Variants in GLIS3 observed in about 807,000 individuals in gnomAD.
The protein encoded by GLIS3 is zinc finger protein GLIS3.
A neutral mutation model predicts 78.6 loss-of-function variants in GLIS3; 53 were observed. The ratio of observed to expected loss-of-function variants is 0.67; its 90% CI spans 0.54 to 0.85. The LOEUF is 0.85. GLIS3 is among the 40% of genes least tolerant of loss of function. The probability of loss-of-function intolerance (pLI) is 0.00; values close to 1 mark genes in which losing one functional copy is unlikely to be tolerated. For missense variants in GLIS3, 1,703 were observed against 1,231.1 expected, an observed-to-expected ratio of 1.38 and a Z score of -5.74; for synonymous variants, 684 against 509.9, an observed-to-expected ratio of 1.34 and a Z score of -4.60.
intron 2 of GLIS3, among the ~76,000 whole-genome samples, chr9:4,267,999 G>A (rs928022058): frequency 1.3e-5 from 2 of 151,808 alleles, no homozygotes; most frequent in African/African-American, 2.4e-5. Flanking sequence ...ATATATATGT[G>A]TGTGAATATA....
At chr9:4,416,794 T>A in the GLIS3 span, among the ~76,000 whole-genome samples, 1 of 147,000 alleles carries the variant, frequency 6.8e-6, no homozygotes, top group Non-Finnish European at 1.5e-5. Context: ...GGCAGCATGG[T>A]CAACATTCCC....
intron 1 of GLIS3, among the ~76,000 whole-genome samples, chr9:4,294,577 C>G (rs576402944): frequency 2.0e-5 from 3 of 151,944 alleles, no homozygotes; most frequent in Non-Finnish European, 4.4e-5. Flanking sequence ...CTGTTCAGCA[C>G]ACAAAAGGAC....
the GLIS3 span, among the ~76,000 whole-genome samples, chr9:4,398,100 G>A: frequency 2.0e-5 from 3 of 152,006 alleles, no homozygotes; most frequent in African/African-American, 4.8e-5. Context: ...CTATTTCAAT[G>A]CATGCTTTGG....
intron 4 of GLIS3, among the ~76,000 whole-genome samples, chr9:4,021,467 A>C (rs2130150939): frequency 6.6e-6 from 1 of 152,278 alleles, no homozygotes; most frequent in East Asian, 1.9e-4. Context: ...ATACACAGCA[A>C]ATCATCACAG....
chr9:4,003,973 A>G (rs1196275880), intron 4 of GLIS3, among the ~76,000 whole-genome samples: 2 of 152,206 alleles, frequency 1.3e-5, no homozygotes, highest in Non-Finnish European at 2.9e-5. Context: ...GACTATTATT[A>G]TGATGCCCCA....
intron 4 of GLIS3, among the ~76,000 whole-genome samples, chr9:4,092,035 G>A (rs1829554131): frequency 6.6e-6 from 1 of 152,096 alleles, no homozygotes; most frequent in Admixed American, 6.5e-5. Context: ...TGAGACCCTA[G>A]GACATTCCTG....
intron 7 of GLIS3, among the ~76,000 whole-genome samples, chr9:3,880,744 GC>G (rs1821676358): frequency 6.6e-6 from 1 of 152,108 alleles, no homozygotes; most frequent in African/African-American, 2.4e-5. Flanking sequence ...AGATGACCTA[GC>G]CCCCAAAAGC....
At chr9:4,367,700 C>A in the GLIS3 span, among the ~76,000 whole-genome samples, 1 of 149,760 alleles carries the variant, frequency 6.7e-6, no homozygotes, top group Non-Finnish European at 1.5e-5. Flanking sequence ...TGTCATTTAC[C>A]TCCTTATCCA....
intron 4 of GLIS3, among the ~76,000 whole-genome samples, chr9:3,980,242 A>AT (rs1322850579): frequency 2.0e-5 from 3 of 152,240 alleles, no homozygotes; most frequent in Non-Finnish European, 4.4e-5. Context: ...GCTAGGCACT[A>AT]TATAACGTGA....
intron 4 of GLIS3, among the ~76,000 whole-genome samples, chr9:3,982,846 G>A (rs1588381909): frequency 6.6e-6 from 1 of 152,268 alleles, no homozygotes; most frequent in African/African-American, 2.4e-5. Flanking sequence ...CAGAAAGAAG[G>A]TAGGATAATT....
intron 2 of GLIS3, among the ~76,000 whole-genome samples, chr9:4,190,392 C>T (rs1467609859): frequency 1.3e-5 from 2 of 151,708 alleles, no homozygotes. Context: ...AATGCAGAAG[C>T]CTCAGGAGCC....
chr9:4,375,699 T>A, the GLIS3 span, among the ~76,000 whole-genome samples: 1 of 152,214 alleles, frequency 6.6e-6, no homozygotes, highest in Non-Finnish European at 1.5e-5. Context: ...AGTGGCTTTT[T>A]AAAATATGTG....
intron 2 of GLIS3, among the ~76,000 whole-genome samples, chr9:4,321,790 C>G (rs1817533323): frequency 6.6e-6 from 1 of 152,074 alleles, no homozygotes; most frequent in Admixed American, 6.6e-5. Context: ...CTTACCACAG[C>G]CTCCACCTCC....
intron 2 of GLIS3, among the ~76,000 whole-genome samples, chr9:4,345,079 A>T (rs2130591171): frequency 6.6e-6 from 1 of 152,292 alleles, no homozygotes; most frequent in Non-Finnish European, 1.5e-5. Context: ...CTTAAATCAG[A>T]TCACTCCTCT....
At chr9:4,298,534 G>A (rs1024506056) in intron 1 of GLIS3, 1 of 375,064 alleles carries the variant, frequency 2.7e-6, no homozygotes, top group Non-Finnish European at 5.3e-6. Context: ...GAGAGAGCCG[G>A]CGGCTCACTC....
At chr9:4,185,561 C>T (rs933764061) in intron 2 of GLIS3, among the ~76,000 whole-genome samples, 10 of 152,096 alleles carry the variant, frequency 6.6e-5, no homozygotes, top group African/African-American at 2.4e-4. Flanking sequence ...TTTATGTATT[C>T]ATCAATGTCC....
chr9:4,020,754 T>C (rs1822819965), intron 4 of GLIS3, among the ~76,000 whole-genome samples: 1 of 152,210 alleles, frequency 6.6e-6, no homozygotes, highest in African/African-American at 2.4e-5. Context: ...ACTACAAGAA[T>C]TAGTGTCGAG....
intron 4 of GLIS3, among the ~76,000 whole-genome samples, chr9:4,084,903 T>C (rs886322827): frequency 6.6e-6 from 1 of 151,848 alleles, no homozygotes; most frequent in Non-Finnish European, 1.5e-5. Context: ...CTTGCATTCA[T>C]ATTGATGCAG....
intron 4 of GLIS3, among the ~76,000 whole-genome samples, chr9:3,948,810 CTTCCT>C (rs1816475924): frequency 6.6e-6 from 1 of 152,120 alleles, no homozygotes; most frequent in South Asian, 2.1e-4. Flanking sequence ...TGATATGTTT[CTTCCT>C]TTATTTTATC....
Sources: gnomAD v4.1 joint callset for allele counts (sites outside exome capture counted in the v4.1 genomes callset) on GRCh38, gnomAD v4.1.1 for gene constraint, MANE v1.5 for transcripts, NCBI Gene and HGNC (gene_info 2026-07-23, HGNC 2026-07-21) for gene names.